The following UBE3C variants were observed in gnomAD, a reference collection of about 807,000 sequenced individuals.
UBE3C encodes ubiquitin-protein ligase E3C.
UBE3C carries 42 observed loss-of-function variants against 129.4 expected under a neutral mutation model. That is an observed-to-expected ratio of 0.32 (90% confidence interval 0.25 to 0.42). The LOEUF is 0.42. Ranked by LOEUF, UBE3C falls within the 10% of genes least tolerant of loss-of-function variation. The pLI, the probability that UBE3C is intolerant of heterozygous loss-of-function variation, is 1.00. For missense variants in UBE3C, 1,049 were observed against 1,319.1 expected, an observed-to-expected ratio of 0.80 and a Z score of 3.17; for synonymous variants, 510 against 492.4, an observed-to-expected ratio of 1.04 and a Z score of -0.47.
chr7:157,264,016 C>CT (rs1254595557), intron 22 of UBE3C, among the ~76,000 whole-genome samples: 8 of 151,992 alleles, frequency 5.3e-5, no homozygotes, highest in Middle Eastern at 3.2e-3. Context: ...GAGTGATCTC[C>CT]CACACCAGCC....
rs556659975 is a variant in UBE3C, at chr7:157,149,464, A to G, written c.66+10126A>G. Reference sequence around the variant, plus strand: ...TTCTTTGGACATTAAATCTGGGCCTACAGGGAGGTGAGTAAAGCACCATAC... The same window carrying G: ...TTCTTTGGACATTAAATCTGGGCCTGCAGGGAGGTGAGTAAAGCACCATAC... On this transcript the variant is annotated intron_variant, in intron 1 of 22. Transcript: ENST00000348165. Among the ~76,000 whole-genome samples, 11 of 152,312 alleles carry G rather than the reference A, an allele frequency of 7.2e-5. No homozygotes were observed. The Middle Eastern group carries it at 0.01, about 141-fold the overall frequency.
At chr7:157,249,116 G>A (rs930520147) in intron 19 of UBE3C, among the ~76,000 whole-genome samples, 1 of 152,102 alleles carries the variant, frequency 6.6e-6, no homozygotes, top group Non-Finnish European at 1.5e-5. Flanking sequence ...CATAAAATCT[G>A]CCCTTTTTAG....
intron 4 of UBE3C, among the ~76,000 whole-genome samples, chr7:157,172,053 G>T (rs910402207): frequency 1.3e-5 from 2 of 150,264 alleles, no homozygotes; most frequent in Non-Finnish European, 3.0e-5. Context: ...TTTTGAGACG[G>T]AGTCTTGCTC....
At chr7:157,250,064 G>A (rs1337273673) in intron 19 of UBE3C, among the ~76,000 whole-genome samples, 1 of 152,194 alleles carries the variant, frequency 6.6e-6, no homozygotes, top group African/African-American at 2.4e-5. Context: ...ACTCAGATAA[G>A]GGATACTGAC....
chr7:157,230,383 T>C (rs1488899622), intron 17 of UBE3C, among the ~76,000 whole-genome samples: 2 of 148,470 alleles, frequency 1.3e-5, no homozygotes, highest in Non-Finnish European at 3.0e-5. Flanking sequence ...TAACAGTAGC[T>C]GATAAGCTTT....
chr7:157,217,137 A>G (rs1200415766), intron 14 of UBE3C, 166 bp downstream of exon 14: 1 of 537,126 alleles, frequency 1.9e-6, no homozygotes, highest in Non-Finnish European at 3.3e-6. Context: ...TTCTTAATGG[A>G]ACATATAGCA....
At position 157,231,135 on chromosome 7, in the gene UBE3C, T is replaced by G. The variant is rs1166071391; in HGVS notation, c.2289T>G (p.Asp763Glu). Residue 763 changes from aspartate to glutamate, a missense_variant, in exon 18 of 23, where the codon GAT becomes GAG. By Grantham distance (45) the Asp-to-Glu change is conservative. Transcript: ENST00000348165. ...ACTTGCTCAATGCCCATGGCCTGGA[T>G]GAAGCTGGCATTGATGGTGGTGGTA... ...RVHLLNAHGL[D>E]EAGIDGGGIF... 4 of 1,614,178 alleles carry G rather than the reference T, an allele frequency of 2.5e-6. No individual in the cohort carries two copies. The highest frequency in any genetic ancestry group is 3.4e-6 in the Non-Finnish European group (4 of 1,180,034).
intron 15 of UBE3C, chr7:157,222,446 G>A (rs1241322474): frequency 3.3e-5 from 5 of 151,122 alleles, no homozygotes; most frequent in African/African-American, 4.9e-5. Flanking sequence ...TTGAGGCAGG[G>A]TCTCAGTGTG....
chr7:157,139,175 G>T lies in UBE3C; in HGVS notation c.-98G>T. The T allele has an allele frequency of 1.1e-6, 1 of 885,406 alleles. No homozygotes were observed. The highest frequency in any genetic ancestry group is 5.2e-5 in the South Asian group (1 of 19,296). The allele number at this position is 885,406 out of a possible 1,614,324, so 54.8% of individuals were successfully genotyped here. ...CGCCGCGTCCTCGCTGCCCCGGGCC[G>T]GGCGGGCGGGCGCCGAGAGCCTCCC... On this transcript the variant is annotated 5_prime_UTR_variant, in exon 1 of 23. Coordinates refer to ENST00000348165, the MANE Select transcript of UBE3C (RefSeq NM_014671.3).
At chr7:157,264,055 G>A (rs908511244) in intron 22 of UBE3C, among the ~76,000 whole-genome samples, 4 of 152,016 alleles carry the variant, frequency 2.6e-5, no homozygotes, top group African/African-American at 9.7e-5. Context: ...ACAGGTGTGA[G>A]CCAACATGCT....
At chr7:157,161,093 G>GAT (rs1442844461) in intron 1 of UBE3C, among the ~76,000 whole-genome samples, 3 of 152,182 alleles carry the variant, frequency 2.0e-5, no homozygotes, top group African/African-American at 7.2e-5. Flanking sequence ...TGGGGTCCTG[G>GAT]ATAGGATTCT....
intron 10 of UBE3C, among the ~76,000 whole-genome samples, chr7:157,192,205 A>G (rs779797850): frequency 6.6e-6 from 1 of 152,208 alleles, no homozygotes; most frequent in Non-Finnish European, 1.5e-5. Context: ...GTGAATGATA[A>G]TTGTTTCCCG....
At chr7:157,144,609 T>A (rs970705760) in intron 1 of UBE3C, among the ~76,000 whole-genome samples, 1 of 152,190 alleles carries the variant, frequency 6.6e-6, no homozygotes, top group Admixed American at 6.5e-5. Context: ...CCGGAGGAAC[T>A]GAAATTTTTT....
intron 16 of UBE3C, among the ~76,000 whole-genome samples, chr7:157,224,149 C>T (rs1479259779): frequency 6.6e-6 from 1 of 152,078 alleles, no homozygotes; most frequent in African/African-American, 2.4e-5. Context: ...GCTGGGATTA[C>T]AGGCATCAGC....
chr7:157,183,829 A>G, intron 8 of UBE3C, 49 bp from the exon 9 acceptor site: 2 of 1,566,560 alleles, frequency 1.3e-6, no homozygotes, highest in Middle Eastern at 1.7e-4. Flanking sequence ...TTTCCATTTT[A>G]AAAAATAATG....
intron 1 of UBE3C, among the ~76,000 whole-genome samples, chr7:157,154,041 C>T (rs923217465): frequency 2.7e-5 from 4 of 147,468 alleles, no homozygotes; most frequent in South Asian, 2.1e-4. Context: ...AATGATAGGC[C>T]GGGCACGGTG....
chr7:157,207,514 T>C lies in UBE3C; in HGVS notation c.1535T>C (p.Ile512Thr). ...AGCTCCTTGTTTAGTCATTCACTAA[T>C]TTCCATACATGATAACGAATTCTTC... ...LFSSLFSHSL[I>T]SIHDNEFFGD... The change falls in exon 12 of 23, where the codon ATT (isoleucine) becomes ACT (threonine). Residue 512 changes from isoleucine to threonine, a missense_variant. Transcript: ENST00000348165. The C allele has an allele frequency of 6.2e-7, 1 of 1,613,320 alleles. No individual in the cohort carries two copies. The highest frequency in any genetic ancestry group is 8.5e-7 in the Non-Finnish European group (1 of 1,179,876).
At chr7:157,239,778 T>C (rs936509669) in intron 18 of UBE3C, among the ~76,000 whole-genome samples, 1 of 152,032 alleles carries the variant, frequency 6.6e-6, no homozygotes, top group East Asian at 1.9e-4. Context: ...CCCTGCAAAG[T>C]GAGGGTGTGG....
At chr7:157,148,124 T>G (rs1807656325) in intron 1 of UBE3C, among the ~76,000 whole-genome samples, 2 of 152,052 alleles carry the variant, frequency 1.3e-5, no homozygotes, top group South Asian at 4.2e-4. Context: ...TGAGACAGAG[T>G]CTCCCTCTGT....
Sources: gnomAD v4.1 joint callset for allele counts (sites outside exome capture counted in the v4.1 genomes callset) on GRCh38, gnomAD v4.1.1 for gene constraint, MANE v1.5 for transcripts, NCBI Gene and HGNC (gene_info 2026-07-23, HGNC 2026-07-21) for gene names.